Variants in PRR16 observed in about 807,000 individuals in gnomAD.
PRR16 encodes proline rich 16, also known as protein Largen.
A neutral mutation model predicts 18.2 loss-of-function variants in PRR16; 6 were observed. That is an observed-to-expected ratio of 0.33 (90% confidence interval 0.18 to 0.65). PRR16 has a LOEUF of 0.65. Among genes scored for constraint, PRR16 ranks in the 30% least tolerant of loss-of-function variants. PRR16 has a pLI of 0.74. For synonymous variants in PRR16, 151 were observed against 147.8 expected, an observed-to-expected ratio of 1.02 and a Z score of -0.16; for missense variants, 412 against 376.6, an observed-to-expected ratio of 1.09 and a Z score of -0.78.
intron 1 of PRR16, among the ~76,000 whole-genome samples, chr5:120,640,521 C>A (rs1380990591): frequency 1.3e-5 from 2 of 152,004 alleles, no homozygotes; most frequent in Non-Finnish European, 2.9e-5. Flanking sequence ...AGTGAAGTAG[C>A]AGTTTTTAAG....
intron 1 of PRR16, among the ~76,000 whole-genome samples, chr5:120,465,948 C>A (rs943898275): frequency 6.6e-6 from 1 of 152,154 alleles, no homozygotes; most frequent in Non-Finnish European, 1.5e-5. Context: ...CCCCTTCCCC[C>A]GTTACCTCTA....
the PRR16 span, among the ~76,000 whole-genome samples, chr5:120,769,983 TGTTG>T: frequency 5.7e-3 from 866 of 152,082 alleles, 6 homozygotes; most frequent in African/African-American, 0.02. Context: ...TTCTTACAGC[TGTTG>T]GTCACTTGTA....
the PRR16 span, among the ~76,000 whole-genome samples, chr5:120,773,271 C>A: frequency 6.6e-6 from 1 of 152,110 alleles, no homozygotes; most frequent in Non-Finnish European, 1.5e-5. Context: ...GTATTTCTTA[C>A]AAAGAAGCCT....
chr5:120,740,608 C>T, the PRR16 span, among the ~76,000 whole-genome samples: 1 of 152,106 alleles, frequency 6.6e-6, no homozygotes, highest in Non-Finnish European at 1.5e-5. Flanking sequence ...CAATACCATA[C>T]TGTCTTAATT....
chr5:120,667,515 C>G (rs1355740795), intron 1 of PRR16, among the ~76,000 whole-genome samples: 4 of 151,168 alleles, frequency 2.6e-5, no homozygotes, highest in Non-Finnish European at 4.4e-5. Context: ...TGTGTTTGCT[C>G]TTGCTTTTCT....
At chr5:120,604,219 A>G (rs1754077282) in intron 1 of PRR16, among the ~76,000 whole-genome samples, 1 of 151,952 alleles carries the variant, frequency 6.6e-6, no homozygotes, top group Non-Finnish European at 1.5e-5. Flanking sequence ...AACTTGTTTC[A>G]TGAGTCTAGG....
chr5:120,573,639 T>C (rs1186948868), intron 1 of PRR16, among the ~76,000 whole-genome samples: 1 of 151,976 alleles, frequency 6.6e-6, no homozygotes, highest in African/African-American at 2.4e-5. Flanking sequence ...GGAAGATAAA[T>C]GACAACAATG....
chr5:120,648,334 G>A (rs1293856182), intron 1 of PRR16, among the ~76,000 whole-genome samples: 1 of 151,974 alleles, frequency 6.6e-6, no homozygotes, highest in Non-Finnish European at 1.5e-5. Flanking sequence ...CTGTAATGTA[G>A]GGTATTAGCT....
rs533915491 is a variant in PRR16 at position 120,593,344 on chromosome 5, A to G, written c.160-92610A>G. Among the ~76,000 whole-genome samples, 6 of 152,166 alleles carry G rather than the reference A, an allele frequency of 3.9e-5. No homozygotes were observed. The East Asian group carries it at 9.7e-4, about 24-fold the overall frequency. On this transcript the variant is annotated intron_variant, in intron 1 of 1. Coordinates refer to ENST00000407149, the MANE Select transcript of PRR16 (RefSeq NM_001300783.2). Reference sequence around the variant, plus strand: ...GTTACCGCTGACCCCAAAGAGATACAAATAATCACTAGAGACTACTAGGAA... The same window carrying G: ...GTTACCGCTGACCCCAAAGAGATACGAATAATCACTAGAGACTACTAGGAA...
the PRR16 span, among the ~76,000 whole-genome samples, chr5:120,762,340 G>A: frequency 1.8e-4 from 28 of 152,108 alleles, no homozygotes; most frequent in Non-Finnish European, 2.5e-4. Context: ...ACAGTAGTAT[G>A]TAAGAGTTCT....
At chr5:120,626,273 G>A (rs1754861555) in intron 1 of PRR16, among the ~76,000 whole-genome samples, 1 of 152,052 alleles carries the variant, frequency 6.6e-6, no homozygotes, top group Non-Finnish European at 1.5e-5. Flanking sequence ...ATACTGTTTG[G>A]CAATGAAAAG....
the PRR16 span, among the ~76,000 whole-genome samples, chr5:120,748,017 T>C: frequency 6.6e-6 from 1 of 152,104 alleles, no homozygotes; most frequent in Non-Finnish European, 1.5e-5. Flanking sequence ...TATTTCTCTA[T>C]ATATTATCCA....
intron 1 of PRR16, among the ~76,000 whole-genome samples, chr5:120,562,736 C>T (rs1752614845): frequency 6.6e-6 from 1 of 152,058 alleles, no homozygotes; most frequent in Non-Finnish European, 1.5e-5. Context: ...TCACTGATGG[C>T]ATAAACAGAC....
chr5:120,712,914 AG>A, the PRR16 span, among the ~76,000 whole-genome samples: 1 of 152,222 alleles, frequency 6.6e-6, no homozygotes, highest in African/African-American at 2.4e-5. Context: ...GACAATATAG[AG>A]GTTTCTAAAA....
chr5:120,584,494 T>G (rs188930631), intron 1 of PRR16, among the ~76,000 whole-genome samples: 101 of 152,310 alleles, frequency 6.6e-4, no homozygotes, highest in African/African-American at 2.2e-3. Context: ...TTCTTGCTCT[T>G]ATTCTTGAAT....
At chr5:120,561,028 C>A (rs192366220) in intron 1 of PRR16, among the ~76,000 whole-genome samples, 1 of 152,062 alleles carries the variant, frequency 6.6e-6, no homozygotes, top group Admixed American at 6.6e-5. Context: ...CTTGATTAGT[C>A]TGGCTAAAGG....
At chr5:120,794,312 G>T in the PRR16 span, among the ~76,000 whole-genome samples, 1 of 152,080 alleles carries the variant, frequency 6.6e-6, no homozygotes, top group Non-Finnish European at 1.5e-5. Context: ...AGATGTTGTG[G>T]TTTTTACAAA....
At chr5:120,568,361 A>G (rs1358840652) in intron 1 of PRR16, among the ~76,000 whole-genome samples, 1 of 152,126 alleles carries the variant, frequency 6.6e-6, no homozygotes, top group Non-Finnish European at 1.5e-5. Flanking sequence ...GCTAGTGGGG[A>G]ATTATTACCC....
At chr5:120,742,946 C>T in the PRR16 span, among the ~76,000 whole-genome samples, 1 of 152,232 alleles carries the variant, frequency 6.6e-6, no homozygotes, top group African/African-American at 2.4e-5. Context: ...TCCATCATAA[C>T]AGCTTGCTTT....
Sources: allele counts gnomAD v4.1 joint callset (sites outside exome capture counted in the v4.1 genomes callset), GRCh38; gene constraint gnomAD v4.1.1; transcripts MANE v1.5; gene names NCBI Gene and HGNC (gene_info 2026-07-23, HGNC 2026-07-21).